Variants in BACH2 observed in about 807,000 individuals in gnomAD.
BACH2 encodes the protein transcription regulator protein BACH2.
Under a neutral mutation model 61.8 loss-of-function variants are expected in BACH2, and 5 were observed. The ratio of observed to expected loss-of-function variants is 0.08; its 90% confidence interval spans 0.04 to 0.17. The LOEUF is 0.17. BACH2 is among the 10% of genes least tolerant of loss of function. The pLI, the probability that BACH2 is intolerant of heterozygous loss-of-function variation, is 1.00. For missense variants in BACH2, 824 were observed against 1,091.1 expected (o/e 0.76, Z 3.45); for synonymous variants, 446 against 440.1 (o/e 1.01, Z -0.17).
At chr6:90,022,867 G>T (rs1778449893) in intron 5 of BACH2, among the ~76,000 whole-genome samples, 1 of 152,084 alleles carries the variant, frequency 6.6e-6, no homozygotes, top group Non-Finnish European at 1.5e-5. Flanking sequence ...CCATGCCTAG[G>T]TTATACCCTA....
At position 89,969,307 on chromosome 6, in the gene BACH2, G is replaced by A. The variant is rs187344048; in HGVS notation, c.244-17445C>T. Among the ~76,000 whole-genome samples, 488 of 152,026 alleles carry A rather than the reference G, an allele frequency of 3.2e-3. 2 individuals carry two copies. The highest frequency in any genetic ancestry group is 4.6e-3 in the Non-Finnish European group (313 of 67,956). ...TGACCTGAGGTGATCCGCCCATCTC[G>A]GCCTCCCAAAGTGCTGGGATTACAG... On this transcript the variant is annotated intron_variant, in intron 6 of 8. Coordinates refer to ENST00000257749, the MANE Select transcript of BACH2 (RefSeq NM_021813.4).
intron 3 of BACH2, among the ~76,000 whole-genome samples, chr6:90,223,045 G>A (rs137855461): frequency 3.3e-5 from 5 of 152,334 alleles, no homozygotes; most frequent in African/African-American, 9.6e-5. Context: ...GACTAGCTGC[G>A]TTAAGGATAA....
At chr6:90,258,912 C>T (rs767293024) in intron 2 of BACH2, among the ~76,000 whole-genome samples, 1 of 152,094 alleles carries the variant, frequency 6.6e-6, no homozygotes, top group Non-Finnish European at 1.5e-5. Context: ...GATTTTGCAC[C>T]CCACAGCTTT....
chr6:90,234,252 G>A lies in BACH2; in HGVS notation c.-275+18261C>T, dbSNP rs77158830. On this transcript the variant is annotated intron_variant, in intron 3 of 8. Transcript: ENST00000257749. ...CACATCAAGGATCAGCGCTTCAGTC[G>A]GTGGTGCAAGTGCGGAAAAATACTG... 2.0e-5 allele frequency among the ~76,000 whole-genome samples: 3 copies of A among 152,320 alleles called. No homozygotes were observed. The South Asian group carries it at 6.2e-4, about 32-fold the overall frequency.
chr6:90,177,041 A>C (rs909561282), intron 4 of BACH2, among the ~76,000 whole-genome samples: 3 of 152,148 alleles, frequency 2.0e-5, no homozygotes, highest in African/African-American at 7.2e-5. Context: ...ATATTATTTC[A>C]TGGGTCCAGG....
At position 90,112,061 on chromosome 6, in the gene BACH2, T is replaced by G. The variant is rs80210812; in HGVS notation, c.-161-22952A>C. Among the ~76,000 whole-genome samples, 863 of 152,342 alleles carry G rather than the reference T, an allele frequency of 5.7e-3. 6 individuals carry two copies. Among genetic ancestry groups the G allele is most frequent in the African/African-American group, 0.02 (818 of 41,570 alleles). On this transcript the variant is annotated intron_variant, in intron 4 of 8. Transcript: ENST00000257749. ...ACTTTGCCATGTCAAATTTAAGTCA[T>G]AGATAACATTATCAGGCTATTAGTG...
intron 4 of BACH2, among the ~76,000 whole-genome samples, chr6:90,192,835 G>C (rs117871049): frequency 7.4e-4 from 112 of 152,274 alleles, no homozygotes; most frequent in Middle Eastern, 3.4e-3. Flanking sequence ...AAATCCTTAG[G>C]GTGTTAACTG....
At chr6:90,029,660 A>C (rs1038704090) in intron 5 of BACH2, among the ~76,000 whole-genome samples, 1 of 152,184 alleles carries the variant, frequency 6.6e-6, no homozygotes, top group African/African-American at 2.4e-5. Context: ...ATACATACTT[A>C]ATAAGAAAGT....
Position 89,987,670 on chromosome 6 carries a change from G to A in BACH2, c.243+20932C>T, listed in dbSNP as rs141154494. 3.7e-3 allele frequency among the ~76,000 whole-genome samples: 565 copies of A among 152,192 alleles called. 2 individuals are homozygous for A. The highest frequency in any genetic ancestry group is 5.9e-3 in the Non-Finnish European group (402 of 68,008). Reference sequence around the variant, plus strand: ...CTAGTAGTCACGGTTGTATAAAATGGAGGAAGGAGCTCTCTTCAGTGGTGG... The same window carrying A: ...CTAGTAGTCACGGTTGTATAAAATGAAGGAAGGAGCTCTCTTCAGTGGTGG... On this transcript the variant is annotated intron_variant, in intron 6 of 8. Coordinates refer to ENST00000257749, the MANE Select transcript of BACH2 (RefSeq NM_021813.4).
intron 6 of BACH2, among the ~76,000 whole-genome samples, chr6:90,003,568 T>C (rs1468685002): frequency 1.3e-5 from 2 of 152,208 alleles, no homozygotes; most frequent in African/African-American, 2.4e-5. Flanking sequence ...CCTAGAATGA[T>C]GTCTCCTGGT....
Position 89,931,296 on chromosome 6 carries a change from G to A in BACH2, c.*1112C>T, listed in dbSNP as rs45624935. ...CATCAACTCTGAACTCTCTATCTGC[G>A]TTTAAACTTTGCTTAGGGAAAGGTG... On this transcript the variant is annotated 3_prime_UTR_variant, in exon 9 of 9. Transcript: ENST00000257749. The A allele has an allele frequency of 0.085, 12,956 of 152,412 alleles. 712 individuals are homozygous for A. Among genetic ancestry groups the A allele is most frequent in the Middle Eastern group, 0.14 (42 of 294 alleles). 9.4% of individuals were successfully genotyped at this position (152,412 alleles called of 1,614,324 possible).
chr6:89,980,597 G>C (rs1041448735), intron 6 of BACH2, among the ~76,000 whole-genome samples: 8 of 152,198 alleles, frequency 5.3e-5, no homozygotes, highest in Non-Finnish European at 1.2e-4. Context: ...CCATCTAGAG[G>C]GAGGAGAAGG....
At chr6:90,019,586 A>C (rs1199273693) in intron 5 of BACH2, among the ~76,000 whole-genome samples, 1 of 148,412 alleles carries the variant, frequency 6.7e-6, no homozygotes, top group Non-Finnish European at 1.5e-5. Context: ...ATTGATCACA[A>C]AGAGCGGGAT....
chr6:90,108,885 C>T (rs1003615991), intron 4 of BACH2, among the ~76,000 whole-genome samples: 20 of 152,172 alleles, frequency 1.3e-4, no homozygotes, highest in Admixed American at 5.2e-4. Context: ...GCTCTTTCCC[C>T]TCCTCAGGAA....
rs116122500 is a variant in BACH2 at position 90,112,008 on chromosome 6, A to C, written c.-161-22899T>G. On this transcript the variant is annotated intron_variant, in intron 4 of 8. Transcript: ENST00000257749. ...TAAGGTAAGGGAAATGATGTGTTAC[A>C]ACTTGTAATTCTCCGTCACTAGTAC... 6.4e-3 allele frequency among the ~76,000 whole-genome samples: 973 copies of C among 152,346 alleles called. 13 individuals carry two copies. The highest frequency in any genetic ancestry group is 0.021 in the African/African-American group (879 of 41,582).
At chr6:90,188,868 A>C (rs1274837162) in intron 4 of BACH2, among the ~76,000 whole-genome samples, 1 of 152,022 alleles carries the variant, frequency 6.6e-6, no homozygotes, top group Admixed American at 6.6e-5. Flanking sequence ...AGCTCTGAAC[A>C]TTTTGCCTCC....
At position 89,951,654 on chromosome 6, in the gene BACH2, C is replaced by T. The variant is rs144637668; in HGVS notation, c.452G>A (p.Arg151His). Residue 151 changes from arginine to histidine, a missense_variant, in exon 7 of 9, where the codon CGC becomes CAC. Coordinates refer to ENST00000257749, the MANE Select transcript of BACH2 (RefSeq NM_021813.4). This position sits in a 1 kb window ranked among gnomAD's most constrained non-coding sequence, Gnocchi z 6.4. ...FVCRKDAACQ[R>H]PHEDCENSAG... ...AGAGTTCTCGCAGTCCTCGTGTGGG[C>T]GCTGGCACGCAGCATCCTTCCGGCA... The T allele has an allele frequency of 4.3e-6, 7 of 1,614,212 alleles. No individual in the cohort carries two copies. Among genetic ancestry groups the T allele is most frequent in the Admixed American group, 3.3e-5 (2 of 60,030 alleles).
At chr6:90,147,507 C>G (rs774864342) in intron 4 of BACH2, among the ~76,000 whole-genome samples, 1 of 152,090 alleles carries the variant, frequency 6.6e-6, no homozygotes, top group African/African-American at 2.4e-5. Flanking sequence ...CCCGGGTGCA[C>G]GAGGGTACCC....
intron 6 of BACH2, among the ~76,000 whole-genome samples, chr6:90,002,561 G>C (rs1777191155): frequency 6.6e-6 from 1 of 152,208 alleles, no homozygotes; most frequent in Admixed American, 6.5e-5. Flanking sequence ...CTTGAGGTCA[G>C]GAGTTCGAGA....
Sources: gnomAD v4.1 joint callset for allele counts (sites outside exome capture counted in the v4.1 genomes callset) on GRCh38, gnomAD v4.1.1 for gene constraint, Gnocchi (gnomAD v3.1) non-coding constraint, MANE v1.5 for transcripts, NCBI Gene and HGNC (gene_info 2026-07-23, HGNC 2026-07-21) for gene names.